The following CSMD1 variants were observed in gnomAD, a reference collection of about 807,000 sequenced individuals.
CSMD1 encodes the protein CUB and sushi domain-containing protein 1.
CSMD1 carries 213 observed loss-of-function variants against 417.5 expected under a neutral mutation model. The ratio of observed to expected loss-of-function variants is 0.51; its 90% CI spans 0.46 to 0.57. The LOEUF (loss-of-function observed/expected upper bound fraction) is 0.57. CSMD1 is among the 20% of genes least tolerant of loss of function. The pLI, the probability that CSMD1 is intolerant of heterozygous loss-of-function variation, is 0.00. For missense variants in CSMD1, 6,923 were observed against 4,529.7 expected, an observed-to-expected ratio of 1.53 and a Z score of -15.17; for synonymous variants, 2,862 against 1,736.8, an observed-to-expected ratio of 1.65 and a Z score of -16.11.
intron 2 of CSMD1, among the ~76,000 whole-genome samples, chr8:4,578,645 T>A (rs1024339489): frequency 2.7e-5 from 4 of 150,866 alleles, no homozygotes; most frequent in African/African-American, 9.8e-5. Flanking sequence ...TGAAACCCCA[T>A]CTCTACCAAA....
intron 1 of CSMD1, among the ~76,000 whole-genome samples, chr8:4,970,502 T>A (rs927300633): frequency 6.6e-6 from 1 of 152,120 alleles, no homozygotes; most frequent in African/African-American, 2.4e-5. Flanking sequence ...TCTCATGGAA[T>A]AGAGGTTTCT....
At chr8:4,927,551 A>G (rs551312016) in intron 1 of CSMD1, among the ~76,000 whole-genome samples, 2 of 152,226 alleles carry the variant, frequency 1.3e-5, no homozygotes, top group African/African-American at 4.8e-5. Flanking sequence ...AGGGGCAACA[A>G]CTAGCATGTA....
chr8:3,552,145 T>C (rs1272950709), intron 10 of CSMD1, among the ~76,000 whole-genome samples: 6 of 152,220 alleles, frequency 3.9e-5, no homozygotes, highest in African/African-American at 1.4e-4. Flanking sequence ...ATTCATCCCA[T>C]CTTCTAAGAG....
intron 3 of CSMD1, among the ~76,000 whole-genome samples, chr8:4,051,926 C>T (rs866983231): frequency 0.013 from 1,314 of 98,832 alleles, 13 homozygotes; most frequent in Middle Eastern, 0.044. Context: ...CTTTCTTTTT[C>T]TTTCTTTCTT....
chr8:3,355,569 G>T (rs568350450), intron 21 of CSMD1, among the ~76,000 whole-genome samples: 16 of 152,270 alleles, frequency 1.1e-4, no homozygotes, highest in South Asian at 4.1e-4. Context: ...GTACATAAGC[G>T]ATCTTCACAT....
At chr8:3,482,854 G>A (rs10106038) in intron 11 of CSMD1, among the ~76,000 whole-genome samples, 117,866 of 151,980 alleles carry the variant, frequency 0.78, 46,081 homozygotes, top group African/African-American at 0.87. Context: ...ACATATGGAA[G>A]TTAAATAACA....
intron 3 of CSMD1, among the ~76,000 whole-genome samples, chr8:4,314,483 A>G (rs1053252444): frequency 6.6e-6 from 1 of 152,152 alleles, no homozygotes; most frequent in African/African-American, 2.4e-5. Context: ...CGTTCCTTGA[A>G]TACCTTTCTA....
At chr8:3,889,626 T>C (rs1806817882) in intron 5 of CSMD1, among the ~76,000 whole-genome samples, 1 of 150,816 alleles carries the variant, frequency 6.6e-6, no homozygotes, top group South Asian at 2.1e-4. Context: ...GCTGACAGTG[T>C]GAAGAGGAAA....
intron 7 of CSMD1, among the ~76,000 whole-genome samples, chr8:3,705,649 C>T (rs1006653958): frequency 6.6e-6 from 1 of 152,208 alleles, no homozygotes; most frequent in South Asian, 2.1e-4. Context: ...CCTGCAGACC[C>T]TGAGCTAGAC....
In CSMD1 at chr8:3,973,813, C is replaced by G. The variant is rs181295048; in HGVS notation, c.818+24090G>C. Reference sequence around the variant, plus strand: ...CTATTTCTCAGAAACCAGCCCTGGCCTTTTATGTGTTTAATATGTAGTTGC... The same window carrying G: ...CTATTTCTCAGAAACCAGCCCTGGCGTTTTATGTGTTTAATATGTAGTTGC... On this transcript the variant is annotated intron_variant, in intron 5 of 69. Transcript: ENST00000635120. Among the ~76,000 whole-genome samples, 175 of 152,220 alleles carry G rather than the reference C, an allele frequency of 1.1e-3. 2 individuals are homozygous for G. The highest frequency in any genetic ancestry group is 1.4e-3 in the Non-Finnish European group (94 of 68,012).
chr8:3,989,047 T>C (rs1156769865), intron 5 of CSMD1, among the ~76,000 whole-genome samples: 2 of 152,222 alleles, frequency 1.3e-5, no homozygotes, highest in African/African-American at 4.8e-5. Context: ...TTTTTCTTTT[T>C]CATTGTAGGG....
At chr8:4,432,299 C>G (rs545467656) in intron 2 of CSMD1, among the ~76,000 whole-genome samples, 42 of 152,176 alleles carry the variant, frequency 2.8e-4, no homozygotes, top group Admixed American at 1.1e-3. Flanking sequence ...GAGGCAAGAG[C>G]CCAGAGACTA....
rs142114285 is a variant in CSMD1 at position 3,157,955 on chromosome 8, G to A, written c.5856C>T (p.His1952=). 36 of 1,553,914 alleles carry A rather than the reference G, an allele frequency of 2.3e-5. No individual in the cohort carries two copies. The African/African-American group carries it at 3.8e-4, about 17-fold the overall frequency. ...GAACGGTCCCTGGCATACAGGAAAT[G>A]TGGGAACGGCCCTGTTTAAAAGAAA... ...EPGYTLQGRS[H]ISCMPGTVRR... Residue 1952 remains histidine (H), a synonymous_variant, in exon 39 of 70, where the codon CAC becomes CAT. Coordinates refer to ENST00000635120, the MANE Select transcript of CSMD1 (RefSeq NM_033225.6).
intron 5 of CSMD1, among the ~76,000 whole-genome samples, chr8:3,944,474 G>T (rs183887487): frequency 8.5e-4 from 129 of 152,072 alleles, no homozygotes; most frequent in Admixed American, 1.8e-3. Flanking sequence ...TTCCCTGAAA[G>T]TTTTGATGTT....
intron 1 of CSMD1, among the ~76,000 whole-genome samples, chr8:4,761,667 A>C (rs1812078012): frequency 1.3e-5 from 2 of 152,244 alleles, no homozygotes; most frequent in East Asian, 1.9e-4. Context: ...GACTACCTTT[A>C]TTAAAATAAT....
intron 4 of CSMD1, among the ~76,000 whole-genome samples, chr8:4,023,975 T>C (rs1002918008): frequency 6.6e-6 from 1 of 151,916 alleles, no homozygotes; most frequent in African/African-American, 2.4e-5. Context: ...TTCATTATTA[T>C]TATTTAATTA....
chr8:3,952,429 T>A (rs936075145), intron 5 of CSMD1, among the ~76,000 whole-genome samples: 36 of 152,358 alleles, frequency 2.4e-4, no homozygotes, highest in African/African-American at 7.2e-4. Flanking sequence ...ATGTAAAGGG[T>A]AATTATTTTC....
chr8:3,956,802 G>A (rs1383994163), intron 5 of CSMD1, among the ~76,000 whole-genome samples: 1 of 152,114 alleles, frequency 6.6e-6, no homozygotes, highest in African/African-American at 2.4e-5. Context: ...GGAGCTTGAA[G>A]GACACCCAGC....
intron 1 of CSMD1, among the ~76,000 whole-genome samples, chr8:4,692,808 T>G (rs1001113166): frequency 2.6e-5 from 4 of 152,216 alleles, no homozygotes; most frequent in Non-Finnish European, 5.9e-5. Context: ...TTCTCAAATT[T>G]TTAAATTTCT....
Sources: allele counts gnomAD v4.1 joint callset (sites outside exome capture counted in the v4.1 genomes callset), GRCh38; gene constraint gnomAD v4.1.1; transcripts MANE v1.5; gene names NCBI Gene and HGNC (gene_info 2026-07-23, HGNC 2026-07-21).